The following RASGRF2 variants were observed in gnomAD, a reference collection of about 807,000 sequenced individuals.
RASGRF2 encodes the protein ras-specific guanine nucleotide-releasing factor 2.
A neutral mutation model predicts 151.0 loss-of-function variants in RASGRF2; 76 were observed. That is an observed-to-expected ratio of 0.50 (90% CI 0.42 to 0.61). The LOEUF (loss-of-function observed/expected upper bound fraction) is 0.61, where lower values mean the gene tolerates loss of function less well. RASGRF2 is among the 20% of genes least tolerant of loss of function. RASGRF2 has a pLI of 0.00. For missense variants in RASGRF2, 1,148 were observed against 1,564.6 expected (o/e 0.73, Z 4.49); for synonymous variants, 504 against 566.5 (o/e 0.89, Z 1.57).
chr5:81,066,638 G>A (rs1751615545), intron 2 of RASGRF2, among the ~76,000 whole-genome samples: 1 of 152,120 alleles, frequency 6.6e-6, no homozygotes, highest in South Asian at 2.1e-4. Flanking sequence ...CTGAACATCC[G>A]CTTATTCTTT....
In RASGRF2 at chr5:81,205,049, A is replaced by G. The variant is rs555580713; in HGVS notation, c.2907-1796A>G. The stretch of plus-strand genomic sequence containing the variant: ...TTCGGAAAAGTCACTTTTATCTCCC[A>G]TGTGTAACCCTTACATGTAATTTAA... On this transcript the variant is annotated intron_variant, in intron 19 of 26. Transcript: ENST00000265080. Among the ~76,000 whole-genome samples, 4 of 152,370 alleles carry G rather than the reference A, an allele frequency of 2.6e-5. No individual in the cohort carries two copies. The South Asian group carries it at 8.3e-4, about 32-fold the overall frequency.
At chr5:81,074,297 G>T (rs1054711219) in intron 5 of RASGRF2, among the ~76,000 whole-genome samples, 3 of 152,268 alleles carry the variant, frequency 2.0e-5, no homozygotes, top group South Asian at 2.1e-4. Flanking sequence ...ATGGCCATCA[G>T]AGCTGTGGAG....
intron 1 of RASGRF2, among the ~76,000 whole-genome samples, chr5:81,010,656 T>C (rs929987195): frequency 6.6e-6 from 1 of 152,206 alleles, no homozygotes; most frequent in Non-Finnish European, 1.5e-5. Context: ...CATTTTCTTC[T>C]AAAAGTCTGA....
chr5:81,198,588 T>C (rs1272074625), intron 18 of RASGRF2, among the ~76,000 whole-genome samples: 1 of 152,130 alleles, frequency 6.6e-6, no homozygotes, highest in Non-Finnish European at 1.5e-5. Flanking sequence ...TACAGGTGAC[T>C]GCCACCATAC....
At chr5:81,127,527 A>G (rs959054118) in intron 17 of RASGRF2, among the ~76,000 whole-genome samples, 1 of 151,958 alleles carries the variant, frequency 6.6e-6, no homozygotes, top group Non-Finnish European at 1.5e-5. Context: ...TATCTCGACA[A>G]AACAAAACAA....
intron 17 of RASGRF2, among the ~76,000 whole-genome samples, chr5:81,153,620 C>T (rs1206417221): frequency 6.6e-6 from 1 of 152,068 alleles, no homozygotes; most frequent in African/African-American, 2.4e-5. Context: ...TTTTAAACCA[C>T]TAAATTCATG....
At position 81,070,548 on chromosome 5, in the gene RASGRF2, A is replaced by T. The variant is rs1420012839; in HGVS notation, c.600A>T (p.Glu200Asp). The T allele has an allele frequency of 6.2e-7, 1 of 1,611,014 alleles. No individual in the cohort carries two copies. Among genetic ancestry groups the T allele is most frequent in the Non-Finnish European group, 8.5e-7 (1 of 1,177,272 alleles). The change falls in exon 4 of 27, where the codon GAA becomes GAT. Residue 200 changes from glutamate (E) to aspartate (D), a missense_variant. Physicochemically the swap from Glu to Asp is conservative, Grantham distance 45 (BLOSUM62 2). Transcript: ENST00000265080. ...TGCGACCTTACCAAAGCAACCAAGA[A>T]GACGAAGATCCAGACATCAAGAAGA... ...ERMRPYQSNQ[E>D]DEDPDIKKIK... is the part of the protein sequence containing the mutation.
chr5:81,202,818 G>C (rs1220370598), intron 19 of RASGRF2, among the ~76,000 whole-genome samples: 1 of 152,236 alleles, frequency 6.6e-6, no homozygotes, highest in Non-Finnish European at 1.5e-5. Flanking sequence ...GAGTTATGCA[G>C]CTGCAAGCCA....
chr5:81,208,276 T>C, intron 21 of RASGRF2, 78 bp from the exon 22 acceptor site: 1 of 1,227,080 alleles, frequency 8.1e-7, no homozygotes, highest in Non-Finnish European at 1.2e-6. Context: ...TTTCTAATAT[T>C]CGTGACAACT....
intron 17 of RASGRF2, among the ~76,000 whole-genome samples, chr5:81,177,430 C>T (rs958063144): frequency 6.6e-6 from 1 of 151,502 alleles, no homozygotes; most frequent in African/African-American, 2.4e-5. Context: ...TTTCTCTTAA[C>T]TCACTCGTTA....
chr5:81,149,746 C>G lies in RASGRF2; in HGVS notation c.2686+22583C>G, dbSNP rs1185916192. Among the ~76,000 whole-genome samples, 7 of 152,144 alleles carry G rather than the reference C, an allele frequency of 4.6e-5. No individual in the cohort carries two copies. In the South Asian group the frequency reaches 1.5e-3, roughly 32 times the overall value. On this transcript the variant is annotated intron_variant, in intron 17 of 26. Coordinates refer to ENST00000265080, the MANE Select transcript of RASGRF2 (RefSeq NM_006909.3). Reference sequence around the variant, plus strand: ...GCCCTGTCACATTGTTCTTTCTAAACAGCTTTATGCATATATATTTCACAT... The same window carrying G: ...GCCCTGTCACATTGTTCTTTCTAAAGAGCTTTATGCATATATATTTCACAT...
At chr5:81,153,652 A>G (rs542351149) in intron 17 of RASGRF2, among the ~76,000 whole-genome samples, 5 of 152,358 alleles carry the variant, frequency 3.3e-5, no homozygotes, top group African/African-American at 1.2e-4. Context: ...TAGCAGCAAC[A>G]GAAAACTAAT....
chr5:81,201,365 C>A lies in RASGRF2; in HGVS notation c.2829C>A (p.Val943=), dbSNP rs1432450840. ...FELNNELKMN[V]LNLLEEVLRD... ...TCAACAATGAACTAAAGATGAATGT[C>A]CTAAATTTGCTAGAAGAAGTTTTGC... The change falls in exon 19 of 27, where the codon GTC becomes GTA. Residue 943 remains valine, a synonymous_variant. Coordinates refer to ENST00000265080, the MANE Select transcript of RASGRF2 (RefSeq NM_006909.3). The A allele has an allele frequency of 6.2e-7, 1 of 1,613,248 alleles. No homozygotes were observed. The highest frequency in any genetic ancestry group is 2.2e-5 in the East Asian group (1 of 44,880).
chr5:81,129,515 T>C (rs1186739091), intron 17 of RASGRF2, among the ~76,000 whole-genome samples: 4 of 152,240 alleles, frequency 2.6e-5, no homozygotes, highest in Non-Finnish European at 5.9e-5. Flanking sequence ...TTTTGCCATA[T>C]GTGCTTCACT....
At chr5:81,108,083 C>A (rs1339830194) in intron 12 of RASGRF2, among the ~76,000 whole-genome samples, 1 of 152,186 alleles carries the variant, frequency 6.6e-6, no homozygotes, top group East Asian at 1.9e-4. Flanking sequence ...GAGTTCAGGA[C>A]CTATGTGAGG....
At chr5:81,062,073 C>T (rs1417668046) in intron 2 of RASGRF2, among the ~76,000 whole-genome samples, 1 of 151,620 alleles carries the variant, frequency 6.6e-6, no homozygotes, top group Non-Finnish European at 1.5e-5. Context: ...CACTCCTGGC[C>T]TCAAGCTATC....
intron 18 of RASGRF2, among the ~76,000 whole-genome samples, chr5:81,200,660 G>A (rs1171849248): frequency 6.6e-6 from 1 of 152,172 alleles, no homozygotes; most frequent in East Asian, 1.9e-4. Context: ...TCTTACTCAT[G>A]GTCCAGAAAA....
At chr5:81,006,930 A>C (rs2112304413) in intron 1 of RASGRF2, among the ~76,000 whole-genome samples, 1 of 152,272 alleles carries the variant, frequency 6.6e-6, no homozygotes, top group East Asian at 1.9e-4. Flanking sequence ...ACATTGTCCC[A>C]GGCCATTGTA....
At chr5:81,054,583 G>T (rs373380970) in intron 2 of RASGRF2, among the ~76,000 whole-genome samples, 2 of 101,912 alleles carry the variant, frequency 2.0e-5, no homozygotes, top group African/African-American at 7.7e-5. Context: ...TTGTTCTTTT[G>T]GCTTAGGATT....
Sources: allele counts gnomAD v4.1 joint callset (sites outside exome capture counted in the v4.1 genomes callset), GRCh38; gene constraint gnomAD v4.1.1; transcripts MANE v1.5; gene names NCBI Gene and HGNC (gene_info 2026-07-23, HGNC 2026-07-21).